GRM5: variants seen among roughly 807,000 people sequenced by gnomAD.
GRM5 encodes metabotropic glutamate receptor 5.
A neutral mutation model predicts 83.1 loss-of-function variants in GRM5; 19 were observed. The ratio of observed to expected loss-of-function variants is 0.23; its 90% confidence interval spans 0.16 to 0.34. The LOEUF is 0.34. Among genes scored for constraint, GRM5 ranks in the 10% least tolerant of loss-of-function variants. The pLI, the probability that GRM5 is intolerant of heterozygous loss-of-function variation, is 1.00. For synonymous variants in GRM5, 675 were observed against 633.6 expected, an observed-to-expected ratio of 1.07 and a Z score of -0.98; for missense variants, 1,160 against 1,588.3, an observed-to-expected ratio of 0.73 and a Z score of 4.58.
intron 2 of GRM5, 58 bp from the exon 3 acceptor site, chr11:88,850,213 G>T (rs1293006861): frequency 4.1e-6 from 3 of 733,696 alleles, no homozygotes; most frequent in South Asian, 3.2e-5. Flanking sequence ...GCATTAATTG[G>T]GTATAATCAG....
At chr11:88,822,888 G>A (rs1316087490) in intron 3 of GRM5, among the ~76,000 whole-genome samples, 1 of 151,384 alleles carries the variant, frequency 6.6e-6, no homozygotes, top group African/African-American at 2.4e-5. Flanking sequence ...TTTTTGAAGT[G>A]TGACTAAAAC....
chr11:89,029,445 C>G (rs1000160360), intron 2 of GRM5, among the ~76,000 whole-genome samples: 15 of 152,164 alleles, frequency 9.9e-5, no homozygotes, highest in African/African-American at 3.1e-4. Flanking sequence ...CTCCTTAATA[C>G]TAGTGCTTTG....
intron 1 of GRM5, among the ~76,000 whole-genome samples, chr11:89,061,538 A>G (rs1053031871): frequency 2.6e-5 from 4 of 152,258 alleles, no homozygotes; most frequent in African/African-American, 9.6e-5. Flanking sequence ...CATGAAACAC[A>G]ACAATGTTAA....
chr11:88,531,673 G>C (rs943581556), intron 8 of GRM5, among the ~76,000 whole-genome samples: 1 of 152,108 alleles, frequency 6.6e-6, no homozygotes, highest in African/African-American at 2.4e-5. Flanking sequence ...GTTTCCTAGA[G>C]AGTTCAAGAA....
intron 2 of GRM5, among the ~76,000 whole-genome samples, chr11:89,035,688 A>G (rs1045902787): frequency 6.6e-6 from 1 of 152,064 alleles, no homozygotes; most frequent in African/African-American, 2.4e-5. Context: ...ATCCACCTTG[A>G]TATCACTTTA....
intron 8 of GRM5, among the ~76,000 whole-genome samples, chr11:88,560,345 T>C (rs1428432218): frequency 1.3e-5 from 2 of 152,146 alleles, no homozygotes; most frequent in South Asian, 2.1e-4. Flanking sequence ...TGTTTCTCTA[T>C]AGGCTCCTAT....
intron 3 of GRM5, among the ~76,000 whole-genome samples, chr11:88,721,603 C>T (rs1245873416): frequency 6.6e-6 from 1 of 152,102 alleles, no homozygotes; most frequent in African/African-American, 2.4e-5. Context: ...GAATAAACAT[C>T]TCCAGATTCA....
Position 88,508,549 on chromosome 11 carries a change from GC to G in GRM5, c.*42del. 1 of 1,518,886 alleles carries G rather than the reference GC, an allele frequency of 6.6e-7. No homozygotes were observed. The highest frequency in any genetic ancestry group is 9.1e-7 in the Non-Finnish European group (1 of 1,101,164). 94.1% of individuals were successfully genotyped at this position (1,518,886 alleles called of 1,614,324 possible). On this transcript the variant is annotated 3_prime_UTR_variant, in exon 10 of 10. Transcript: ENST00000305447. The surrounding 1 kb of genome is among the most constrained non-coding windows in gnomAD (Gnocchi z 4.2). ...CATTGTGTGTGTGTGAACACGGGGGGCTCCGCTCCGCACGCGCAGGCCGGCG... is the reference window on the plus strand; with the variant it reads ...CATTGTGTGTGTGTGAACACGGGGGGTCCGCTCCGCACGCGCAGGCCGGCG...
chr11:88,894,495 C>A (rs1945199326), intron 2 of GRM5, among the ~76,000 whole-genome samples: 1 of 151,964 alleles, frequency 6.6e-6, no homozygotes, highest in South Asian at 2.1e-4. Context: ...TGAGGTCTGC[C>A]TATGGCACTA....
chr11:88,668,297 GCACACACACACACACACA>G (rs72052705), intron 3 of GRM5, among the ~76,000 whole-genome samples: 5 of 130,034 alleles, frequency 3.8e-5, no homozygotes, highest in Admixed American at 7.7e-5. Flanking sequence ...CCAGAAACTC[GCACACACACACACACACA>G]CACACACACA....
At chr11:88,968,500 A>C (rs1388950453) in intron 2 of GRM5, among the ~76,000 whole-genome samples, 1 of 152,008 alleles carries the variant, frequency 6.6e-6, no homozygotes, top group East Asian at 1.9e-4. Context: ...CTGGGAAACA[A>C]AGAGAGACTT....
chr11:89,006,212 G>A (rs1432823965), intron 2 of GRM5, among the ~76,000 whole-genome samples: 4 of 152,174 alleles, frequency 2.6e-5, no homozygotes, highest in Non-Finnish European at 5.9e-5. Context: ...TACTGCCACA[G>A]GACTAAGCAA....
At chr11:89,057,338 GTCATT>G (rs1941899386) in intron 1 of GRM5, among the ~76,000 whole-genome samples, 1 of 150,534 alleles carries the variant, frequency 6.6e-6, no homozygotes, top group South Asian at 2.1e-4. Flanking sequence ...AAGCTCCATT[GTCATT>G]ACTATCTCAA....
At chr11:88,691,774 T>C (rs1020266513) in intron 3 of GRM5, among the ~76,000 whole-genome samples, 2 of 152,230 alleles carry the variant, frequency 1.3e-5, no homozygotes, top group African/African-American at 4.8e-5. Context: ...AGGATTCTGT[T>C]CTGTTATTCT....
In GRM5 at chr11:88,530,533, G is replaced by T. The variant is rs566810342; in HGVS notation, c.2631-5129C>A. Among the ~76,000 whole-genome samples, 52 of 152,044 alleles carry T rather than the reference G, an allele frequency of 3.4e-4. No individual in the cohort carries two copies. In the South Asian group the frequency reaches 6.4e-3, roughly 19 times the overall value. On this transcript the variant is annotated intron_variant, in intron 8 of 9. Transcript: ENST00000305447. ...TTCTACAAGAGCCTATACTCATCTGGTAAATCTAAAAGATGTGCAGGTAAG... is the reference window on the plus strand; with the variant it reads ...TTCTACAAGAGCCTATACTCATCTGTTAAATCTAAAAGATGTGCAGGTAAG...
intron 3 of GRM5, among the ~76,000 whole-genome samples, chr11:88,796,288 C>T (rs3862367): frequency 0.2 from 30,701 of 152,114 alleles, 4,154 homozygotes; most frequent in Non-Finnish European, 0.3. Context: ...TCATCAATTT[C>T]AAATAACTCT....
At chr11:89,031,175 G>A (rs558629514) in intron 2 of GRM5, among the ~76,000 whole-genome samples, 36 of 152,062 alleles carry the variant, frequency 2.4e-4, no homozygotes, top group African/African-American at 8.4e-4. Flanking sequence ...CATGGGAAGG[G>A]ATAGGCACAA....
chr11:88,817,909 A>G (rs1464332201), intron 3 of GRM5, among the ~76,000 whole-genome samples: 1 of 152,116 alleles, frequency 6.6e-6, no homozygotes, highest in Non-Finnish European at 1.5e-5. Flanking sequence ...CTATATTTTT[A>G]GCCAACATGT....
At chr11:88,648,600 A>T (rs1318701306) in intron 4 of GRM5, among the ~76,000 whole-genome samples, 3 of 146,044 alleles carry the variant, frequency 2.1e-5, no homozygotes, top group African/African-American at 7.6e-5. Context: ...ACATGTATAC[A>T]TATGTAACTA....
Sources: allele counts gnomAD v4.1 joint callset (sites outside exome capture counted in the v4.1 genomes callset), GRCh38; gene constraint gnomAD v4.1.1; non-coding constraint Gnocchi (gnomAD v3.1); transcripts MANE v1.5; gene names NCBI Gene and HGNC (gene_info 2026-07-23, HGNC 2026-07-21).